Variants in SLC22A25 observed in about 807,000 individuals in gnomAD.
SLC22A25 encodes MGI:2442751, MGI:2385316, MGI:3042283, MGI:3645714, MGI:3605624, MGI:2442750.
SLC22A25 carries 44 observed loss-of-function variants against 45.9 expected under a neutral mutation model. The observed-to-expected ratio is 0.96, with a 90% CI of 0.75 to 1.23. The LOEUF (loss-of-function observed/expected upper bound fraction) is 1.23. SLC22A25 is among the 50% of genes most tolerant of loss of function. The pLI is 0.00. For synonymous variants in SLC22A25, 283 were observed against 238.6 expected (o/e 1.19, Z -1.72); for missense variants, 800 against 666.4 (o/e 1.20, Z -2.21).
chr11:63,227,223 T>C (rs1038950336), intron 5 of SLC22A25, among the ~76,000 whole-genome samples: 1 of 152,028 alleles, frequency 6.6e-6, no homozygotes, highest in African/African-American at 2.4e-5. Flanking sequence ...TCTCTCCTTG[T>C]AGCCACCACA....
At chr11:63,238,166 T>G (rs2090193890) in intron 2 of SLC22A25, among the ~76,000 whole-genome samples, 154 bp from the exon 3 acceptor site, 1 of 152,204 alleles carries the variant, frequency 6.6e-6, no homozygotes, top group South Asian at 2.1e-4. Flanking sequence ...TATTTGACCT[T>G]TATCATTCAG....
chr11:63,183,927 TG>T (rs2088424083), intron 7 of SLC22A25, 110 bp from the exon 8 acceptor site: 3 of 1,456,740 alleles, frequency 2.1e-6, no homozygotes, highest in African/African-American at 2.8e-5. Context: ...ACCTCTTGTT[TG>T]GTTATACCAG....
intron 7 of SLC22A25, among the ~76,000 whole-genome samples, chr11:63,202,240 A>G (rs112185384): frequency 0.086 from 12,986 of 150,994 alleles, 857 homozygotes; most frequent in African/African-American, 0.19. Context: ...ACACTGAGCT[A>G]GCTGCAGGAG....
At chr11:63,233,262 C>T (rs534580925) in intron 3 of SLC22A25, among the ~76,000 whole-genome samples, 1 of 152,218 alleles carries the variant, frequency 6.6e-6, no homozygotes, top group South Asian at 2.1e-4. Flanking sequence ...CCCATCTGGT[C>T]CTGGACTTAT....
chr11:63,177,864 A>AATATATATATATAATGTATATATATAAT (rs58895817), intron 9 of SLC22A25, among the ~76,000 whole-genome samples: 7 of 31,082 alleles, frequency 2.3e-4, no homozygotes, highest in East Asian at 8.3e-4. Flanking sequence ...GTATATATAT[A>AATATATATATATAATGTATATATATAAT]ATATATATAA....
At chr11:63,194,751 T>C (rs926560204) in intron 7 of SLC22A25, among the ~76,000 whole-genome samples, 5 of 151,716 alleles carry the variant, frequency 3.3e-5, no homozygotes, top group African/African-American at 4.8e-5. Flanking sequence ...ATGCCCCAGT[T>C]AAAAGACACA....
intron 7 of SLC22A25, among the ~76,000 whole-genome samples, chr11:63,215,670 A>G (rs770317812): frequency 3.9e-5 from 6 of 152,180 alleles, no homozygotes; most frequent in Admixed American, 1.3e-4. Context: ...TTTGTTACAC[A>G]GGTAAACATG....
In SLC22A25 at chr11:63,180,716, A is replaced by G. The variant is rs779652545; in HGVS notation, c.1014T>C (p.Cys338=). The part of the protein sequence containing the change: ...LEAAQKKHSL[C]ELLRIPNICK... ...ATATGTTGGGTATGCGGAGCAATTCACAAAGAGAATGCTTTTTCTGTGCTG... is the reference window on the plus strand; with the variant it reads ...ATATGTTGGGTATGCGGAGCAATTCGCAAAGAGAATGCTTTTTCTGTGCTG... The change falls in exon 9 of 12, where the codon TGT becomes TGC. Residue 338 remains cysteine, a synonymous_variant. Transcript: ENST00000306494. 2.5e-6 allele frequency: 4 copies of G among 1,613,286 alleles called. No individual in the cohort carries two copies. The highest frequency in any genetic ancestry group is 1.7e-4 in the Middle Eastern group (1 of 6,042).
chr11:63,240,034 TGTA>T (rs2134865203), intron 1 of SLC22A25, among the ~76,000 whole-genome samples: 1 of 152,292 alleles, frequency 6.6e-6, no homozygotes, highest in East Asian at 1.9e-4. Context: ...ACCTATATGG[TGTA>T]GTCTAATGCA....
intron 8 of SLC22A25, 45 bp downstream of exon 8, chr11:63,183,649 T>C (rs749633476): frequency 6.2e-7 from 1 of 1,609,916 alleles, no homozygotes; most frequent in Non-Finnish European, 8.5e-7. Flanking sequence ...TAGATGACAA[T>C]TTATGTCTTC....
At chr11:63,180,542 G>T in intron 9 of SLC22A25, 118 bp downstream of exon 9, 1 of 685,088 alleles carries the variant, frequency 1.5e-6, no homozygotes, top group Non-Finnish European at 2.4e-6. Flanking sequence ...TTCTCTTTAT[G>T]GATTTATCAT....
In SLC22A25 at chr11:63,164,626, T is replaced by A; in HGVS notation, c.1294A>T (p.Thr432Ser). 6.2e-7 allele frequency: 1 copy of A among 1,613,368 alleles called. No homozygotes were observed. Residue 432 changes from threonine (T) to serine (S), a missense_variant, in exon 11 of 12, where the codon ACC becomes TCC. Transcript: ENST00000306494. ...AGGGTTGCCAAAACCACACGCAGGGTCTGCATTTCTGGAGAAAGGAAGACC... is the reference window on the plus strand; with the variant it reads ...AGGGTTGCCAAAACCACACGCAGGGACTGCATTTCTGGAGAAAGGAAGACC... ...AIIFVPQEMQTLRVVLATLGV... is the reference protein window; with the variant it reads ...AIIFVPQEMQSLRVVLATLGV...
chr11:63,235,632 C>T (rs1035636136), intron 3 of SLC22A25, among the ~76,000 whole-genome samples: 2 of 152,180 alleles, frequency 1.3e-5, no homozygotes, highest in Non-Finnish European at 1.5e-5. Flanking sequence ...CTGAAGACTT[C>T]CTCTCTCAAG....
At chr11:63,228,009 G>C (rs1351463562) in intron 5 of SLC22A25, among the ~76,000 whole-genome samples, 1 of 152,240 alleles carries the variant, frequency 6.6e-6, no homozygotes, top group Non-Finnish European at 1.5e-5. Context: ...GGGGGATGGA[G>C]ATGGAGTGTT....
chr11:63,166,755 G>T, intron 9 of SLC22A25: 1 of 986,592 alleles, frequency 1.0e-6, no homozygotes, highest in Non-Finnish European at 1.2e-6. Flanking sequence ...CATTCATTCT[G>T]TAGATGGTCT....
rs2087520989 is a variant in SLC22A25, at chr11:63,160,044, A to C, written c.*3780T>G. On this transcript the variant is annotated 3_prime_UTR_variant, in exon 12 of 12. Coordinates refer to ENST00000306494, the MANE Select transcript of SLC22A25 (RefSeq NM_199352.6). ...TGCTGTTAAAAGCAGTCAGTTTTAA[A>C]AGGGAAACTCAGCAAAAAAGTTTGA... Among the ~76,000 whole-genome samples the C allele has an allele frequency of 6.6e-6, 1 of 152,162 alleles. No individual in the cohort carries two copies. Among genetic ancestry groups the C allele is most frequent in the Admixed American group, 6.5e-5 (1 of 15,276 alleles).
intron 5 of SLC22A25, among the ~76,000 whole-genome samples, chr11:63,223,977 G>A (rs2089905678): frequency 6.6e-6 from 1 of 152,006 alleles, no homozygotes; most frequent in Admixed American, 6.6e-5. Context: ...GAAGATACCT[G>A]AAATTATTTC....
At chr11:63,241,030 C>G (rs551884765) in intron 1 of SLC22A25, among the ~76,000 whole-genome samples, 1 of 152,182 alleles carries the variant, frequency 6.6e-6, no homozygotes, top group East Asian at 1.9e-4. Flanking sequence ...AATGCAGAAA[C>G]AACATTCATG....
chr11:63,170,252 TAACTA>T, intron 9 of SLC22A25, among the ~76,000 whole-genome samples: 1 of 151,814 alleles, frequency 6.6e-6, no homozygotes, highest in South Asian at 2.1e-4. Flanking sequence ...ACAATTAAAA[TAACTA>T]GAGAAGTAAG....
Sources: gnomAD v4.1 joint callset for allele counts (sites outside exome capture counted in the v4.1 genomes callset) on GRCh38, gnomAD v4.1.1 for gene constraint, MANE v1.5 for transcripts, NCBI Gene and HGNC (gene_info 2026-07-23, HGNC 2026-07-21) for gene names.